The following CRYBG1 variants were observed in gnomAD, a reference collection of about 807,000 sequenced individuals.
CRYBG1 encodes the protein beta/gamma crystallin domain-containing protein 1.
In CRYBG1, 139 loss-of-function variants were observed where a neutral mutation model predicts 189.2. The ratio of observed to expected loss-of-function variants is 0.73; its 90% CI spans 0.64 to 0.85. The LOEUF is 0.85. Ranked by LOEUF, CRYBG1 falls within the 40% of genes least tolerant of loss-of-function variation. CRYBG1 has a pLI of 0.00. For synonymous variants in CRYBG1, 1,023 were observed against 1,017.1 expected (o/e 1.01, Z -0.11); for missense variants, 2,611 against 2,675.8 (o/e 0.98, Z 0.53).
At position 106,477,239 on chromosome 6, in the gene CRYBG1, T is replaced by C. The variant is rs76515991; in HGVS notation, c.312+25407T>C. On this transcript the variant is annotated intron_variant, in intron 2 of 21. Coordinates refer to ENST00000633556, the MANE Select transcript of CRYBG1 (RefSeq NM_001371242.2). ...CATCCTATTTGCATTTTACTAAAGA[T>C]AAATATATTAAATATTTAGTCTGTA... Among the ~76,000 whole-genome samples the C allele has an allele frequency of 8.6e-3, 1,313 of 152,312 alleles. 29 individuals carry two copies. The highest frequency in any genetic ancestry group is 0.03 in the African/African-American group (1,263 of 41,564).
chr6:106,498,730 C>G (rs888151386), intron 2 of CRYBG1, among the ~76,000 whole-genome samples: 5 of 151,922 alleles, frequency 3.3e-5, no homozygotes, highest in African/African-American at 1.2e-4. Context: ...CAAAATTAGC[C>G]AGGCGTGATG....
rs1217235595 is a variant in CRYBG1 at position 106,389,033 on chromosome 6, A to G, written c.173+27952A>G. On this transcript the variant is annotated intron_variant, in intron 1 of 21. Coordinates refer to ENST00000633556, the MANE Select transcript of CRYBG1 (RefSeq NM_001371242.2). ...TTTTTTAATTGCCAGAGTCTAGTTTATGTTTATTTTCACCTAGTTATCCTC... is the reference window on the plus strand; with the variant it reads ...TTTTTTAATTGCCAGAGTCTAGTTTGTGTTTATTTTCACCTAGTTATCCTC... 3.3e-5 allele frequency among the ~76,000 whole-genome samples: 5 copies of G among 152,268 alleles called. 1 individual carries two copies. The highest frequency in any genetic ancestry group is 3.3e-4 in the Admixed American group (5 of 15,278).
chr6:106,422,321 G>GTTATTTATTTAT (rs10526546), intron 1 of CRYBG1, among the ~76,000 whole-genome samples: 2,249 of 142,402 alleles, frequency 0.016, 72 homozygotes, highest in African/African-American at 0.053. Flanking sequence ...ATAGGGTTTT[G>GTTATTTATTTAT]TTATTTATTT....
intron 1 of CRYBG1, among the ~76,000 whole-genome samples, chr6:106,375,075 T>A (rs544828135): frequency 1.3e-5 from 2 of 152,274 alleles, no homozygotes; most frequent in East Asian, 3.9e-4. Context: ...CAGACCTCTG[T>A]ATATACCTTG....
intron 2 of CRYBG1, among the ~76,000 whole-genome samples, chr6:106,503,796 C>T (rs906869299): frequency 3.3e-5 from 5 of 151,952 alleles, no homozygotes; most frequent in African/African-American, 1.2e-4. Context: ...CAATACCAAC[C>T]CGAAACTGGG....
chr6:106,446,874 G>A (rs1052910489), intron 1 of CRYBG1, among the ~76,000 whole-genome samples: 2 of 152,186 alleles, frequency 1.3e-5, no homozygotes. Flanking sequence ...CAGTCTTGCC[G>A]TTATTAATTT....
chr6:106,493,385 T>TGTTACTGG (rs1772768119), intron 2 of CRYBG1, among the ~76,000 whole-genome samples: 1 of 152,216 alleles, frequency 6.6e-6, no homozygotes. Flanking sequence ...TCTTATGCAC[T>TGTTACTGG]GTTACTGGGA....
intron 2 of CRYBG1, among the ~76,000 whole-genome samples, chr6:106,504,103 C>T (rs1773074736): frequency 6.9e-6 from 1 of 145,492 alleles, no homozygotes; most frequent in South Asian, 2.2e-4. Flanking sequence ...GTTGAAATGA[C>T]AGAAAAAAGA....
chr6:106,538,627 C>T (rs1450878355), intron 8 of CRYBG1, among the ~76,000 whole-genome samples: 1 of 152,108 alleles, frequency 6.6e-6, no homozygotes, highest in Non-Finnish European at 1.5e-5. Flanking sequence ...CATGGTGGCT[C>T]ACACCTGTAA....
intron 1 of CRYBG1, among the ~76,000 whole-genome samples, chr6:106,363,206 T>C (rs964458495): frequency 1.5e-5 from 2 of 134,980 alleles, no homozygotes; most frequent in African/African-American, 5.7e-5. Flanking sequence ...ATCGCGCCAC[T>C]GCACTCCAGC....
chr6:106,439,998 T>A (rs1380002833), intron 1 of CRYBG1, among the ~76,000 whole-genome samples: 1 of 152,208 alleles, frequency 6.6e-6, no homozygotes, highest in Non-Finnish European at 1.5e-5. Context: ...CTCCCCTGCA[T>A]TATGCACATC....
intron 1 of CRYBG1, among the ~76,000 whole-genome samples, chr6:106,388,094 G>C (rs192126770): frequency 1.8e-4 from 28 of 152,290 alleles, no homozygotes; most frequent in Admixed American, 1.8e-3. Context: ...GCAGATCCTT[G>C]TTTGGATGTC....
chr6:106,511,599 CAGAG>C lies in CRYBG1; in HGVS notation c.491_494del (p.Glu164ValfsTer11). ...GATGTGGTAGCCTCTCCTAAGCTCC[CAGAG>C]AGAGAGAGTGAGAGGAGCAGATCTC... On this transcript the variant is annotated frameshift_variant, in exon 3 of 22. Coordinates refer to ENST00000633556, the MANE Select transcript of CRYBG1 (RefSeq NM_001371242.2). LOFTEE classifies it high-confidence loss of function. The C allele has an allele frequency of 2.0e-6, 3 of 1,535,612 alleles. No homozygotes were observed. Among genetic ancestry groups the C allele is most frequent in the Non-Finnish European group, 1.7e-6 (2 of 1,146,578 alleles).
chr6:106,508,087 T>A (rs1773169196), intron 2 of CRYBG1, among the ~76,000 whole-genome samples: 2 of 152,074 alleles, frequency 1.3e-5, no homozygotes, highest in Non-Finnish European at 2.9e-5. Flanking sequence ...TACAAAAAAG[T>A]TAAAAATTAG....
intron 8 of CRYBG1, among the ~76,000 whole-genome samples, chr6:106,539,129 G>T (rs1365277015): frequency 6.6e-6 from 1 of 152,216 alleles, no homozygotes; most frequent in Non-Finnish European, 1.5e-5. Flanking sequence ...CATGACAAAT[G>T]ATTAGATGGA....
At chr6:106,495,836 A>C (rs969277327) in intron 2 of CRYBG1, among the ~76,000 whole-genome samples, 1 of 150,470 alleles carries the variant, frequency 6.6e-6, no homozygotes, top group Non-Finnish European at 1.5e-5. Context: ...AAAAAAAAAA[A>C]ACAACTTTCC....
intron 13 of CRYBG1, among the ~76,000 whole-genome samples, chr6:106,551,023 G>A (rs891223910): frequency 1.3e-5 from 2 of 151,998 alleles, no homozygotes; most frequent in African/African-American, 4.8e-5. Flanking sequence ...GGGGGTACAT[G>A]TGCAGGTTTG....
At chr6:106,473,850 G>T (rs1291330839) in intron 2 of CRYBG1, among the ~76,000 whole-genome samples, 1 of 152,190 alleles carries the variant, frequency 6.6e-6, no homozygotes, top group Non-Finnish European at 1.5e-5. Context: ...TTGGTCTGTT[G>T]TCATCTGAGC....
intron 1 of CRYBG1, among the ~76,000 whole-genome samples, chr6:106,405,426 C>T (rs1770802759): frequency 6.6e-6 from 1 of 152,206 alleles, no homozygotes; most frequent in African/African-American, 2.4e-5. Flanking sequence ...TGGGACAGAG[C>T]ACTTGGGGGA....
Sources: allele counts gnomAD v4.1 joint callset (sites outside exome capture counted in the v4.1 genomes callset), GRCh38; gene constraint gnomAD v4.1.1; transcripts MANE v1.5; gene names NCBI Gene and HGNC (gene_info 2026-07-23, HGNC 2026-07-21).